ANO4: variants seen among roughly 807,000 people sequenced by gnomAD.
The protein encoded by ANO4 is anoctamin-4.
Under a neutral mutation model 141.9 loss-of-function variants are expected in ANO4, and 69 were observed. The observed-to-expected ratio is 0.49, with a 90% CI of 0.40 to 0.59. The LOEUF is 0.59. Among genes scored for constraint, ANO4 ranks in the 20% least tolerant of loss-of-function variants. The pLI, the probability that ANO4 is intolerant of heterozygous loss-of-function variation, is 0.00. For missense variants in ANO4, 894 were observed against 1,162.2 expected (o/e 0.77, Z 3.36); for synonymous variants, 350 against 394.3 (o/e 0.89, Z 1.33).
At chr12:100,972,796 A>C (rs73148827) in intron 6 of ANO4, among the ~76,000 whole-genome samples, 177 of 152,354 alleles carry the variant, frequency 1.2e-3, no homozygotes, top group Non-Finnish European at 2.1e-3. Context: ...CTCCAGTATA[A>C]ATAAATCTCA....
chr12:100,742,233 T>C (rs1185624037), intron 3 of ANO4, among the ~76,000 whole-genome samples: 1 of 152,182 alleles, frequency 6.6e-6, no homozygotes, highest in Non-Finnish European at 1.5e-5. Context: ...GGTATAGTTT[T>C]TGTAAGTCTC....
At chr12:100,970,928 A>G (rs1165645875) in intron 5 of ANO4, among the ~76,000 whole-genome samples, 4 of 152,136 alleles carry the variant, frequency 2.6e-5, no homozygotes, top group Non-Finnish European at 4.4e-5. Context: ...CATGTTGTCC[A>G]GTCTGGTCTC....
intron 8 of ANO4, among the ~76,000 whole-genome samples, chr12:101,010,338 T>A (rs1357478633): frequency 2.0e-5 from 3 of 152,264 alleles, no homozygotes; most frequent in African/African-American, 7.2e-5. Context: ...GAAGATGATA[T>A]CATGAAGTAC....
upstream of ANO4, among the ~76,000 whole-genome samples, chr12:100,789,821 T>C (rs2033984922): frequency 6.6e-6 from 1 of 152,216 alleles, no homozygotes; most frequent in Non-Finnish European, 1.5e-5. Context: ...ATTCATTCTT[T>C]GTGTACTTAT....
chr12:100,865,692 A>G (rs549901835), intron 1 of ANO4, among the ~76,000 whole-genome samples: 1 of 152,302 alleles, frequency 6.6e-6, no homozygotes, highest in East Asian at 1.9e-4. Context: ...GATGCTGTAT[A>G]AATCCAGGTC....
intron 1 of ANO4, among the ~76,000 whole-genome samples, chr12:100,797,395 A>G (rs149726927): frequency 6.6e-6 from 1 of 151,650 alleles, no homozygotes; most frequent in East Asian, 1.9e-4. Flanking sequence ...GTCTCACAGC[A>G]TGGTGTCATG....
At position 101,116,808 on chromosome 12, in the gene ANO4, G is replaced by A; in HGVS notation, c.2570+10G>A. The A allele has an allele frequency of 6.2e-7, 1 of 1,613,996 alleles. No individual in the cohort carries two copies. Among genetic ancestry groups the A allele is most frequent in the South Asian group, 1.1e-5 (1 of 91,068 alleles). The stretch of plus-strand genomic sequence containing the variant: ...CTCTTAAGTACTGCAGGTGAGTGTG[G>A]CACCCAGCGTGGCTCTGCCTGAGCT... On this transcript the variant is annotated intron_variant, in intron 25 of 27. Transcript: ENST00000392977.
chr12:101,072,552 A>G (rs674162), intron 14 of ANO4, among the ~76,000 whole-genome samples: 38,813 of 152,136 alleles, frequency 0.26, 5,270 homozygotes, highest in East Asian at 0.56. Context: ...TGACTAAAAC[A>G]CCAAAAGCAA....
chr12:101,086,688 G>A lies in ANO4; in HGVS notation c.1565G>A (p.Gly522Glu). 2 of 1,613,712 alleles carry A rather than the reference G, an allele frequency of 1.2e-6. No homozygotes were observed. The highest frequency in any genetic ancestry group is 1.7e-6 in the Non-Finnish European group (2 of 1,179,768). The change falls in exon 17 of 28, where the codon GGG (glycine) becomes GAG (glutamate). Residue 522 changes from glycine to glutamate, a missense_variant. Around this residue, in one of 2 missense-constraint regions of ANO4, gnomAD observed 637 missense variants for 909.2 expected, o/e 0.70. Coordinates refer to ENST00000392977, the MANE Select transcript of ANO4 (RefSeq NM_001286615.2). ...MICVVIAAVFGIVIYRVVTVS... is the reference protein window; with the variant it reads ...MICVVIAAVFEIVIYRVVTVS... The stretch of plus-strand genomic sequence containing the variant: ...TGCGTGGTGATTGCTGCCGTGTTCG[G>A]GATCGTCATTTACCGGGTGGTGACT...
chr12:100,837,406 C>T (rs577915093), intron 1 of ANO4, among the ~76,000 whole-genome samples: 1 of 152,276 alleles, frequency 6.6e-6, no homozygotes, highest in African/African-American at 2.4e-5. Context: ...AACAGTCTTG[C>T]TTCAGAGTTT....
chr12:101,083,238 T>C (rs898221912), intron 15 of ANO4, among the ~76,000 whole-genome samples: 2 of 152,214 alleles, frequency 1.3e-5, no homozygotes, highest in African/African-American at 4.8e-5. Flanking sequence ...ATTGTCATTA[T>C]AACTTACAAA....
chr12:100,806,483 G>A (rs780695029), intron 1 of ANO4, among the ~76,000 whole-genome samples: 3 of 131,676 alleles, frequency 2.3e-5, no homozygotes, highest in African/African-American at 5.5e-5. Context: ...TTCAACTATT[G>A]AGTTTTGATT....
chr12:100,865,707 C>A (rs1387854338), intron 1 of ANO4, among the ~76,000 whole-genome samples: 1 of 152,116 alleles, frequency 6.6e-6, no homozygotes, highest in Non-Finnish European at 1.5e-5. Flanking sequence ...CAGGTCTCAG[C>A]AGGAAACAGA....
At chr12:100,806,971 T>A (rs2035096348) in intron 1 of ANO4, among the ~76,000 whole-genome samples, 1 of 152,186 alleles carries the variant, frequency 6.6e-6, no homozygotes, top group Admixed American at 6.6e-5. Flanking sequence ...TTATATAAAG[T>A]TGTCACATGT....
At chr12:100,973,170 C>T (rs963028704) in intron 6 of ANO4, among the ~76,000 whole-genome samples, 1 of 152,140 alleles carries the variant, frequency 6.6e-6, no homozygotes, top group Non-Finnish European at 1.5e-5. Context: ...GTAGGTTTAC[C>T]TACTAAACAT....
intron 9 of ANO4, among the ~76,000 whole-genome samples, chr12:101,029,586 A>G (rs1312638851): frequency 6.6e-6 from 1 of 152,158 alleles, no homozygotes; most frequent in Admixed American, 6.5e-5. Flanking sequence ...CAAGGTCATT[A>G]AATAATGATA....
intron 1 of ANO4, among the ~76,000 whole-genome samples, chr12:100,846,396 T>C (rs1176909315): frequency 6.6e-6 from 1 of 152,194 alleles, no homozygotes; most frequent in Non-Finnish European, 1.5e-5. Flanking sequence ...AATGGTAACA[T>C]TTTGAAAAAC....
rs1566196498 is a variant in ANO4 at position 101,064,663 on chromosome 12, T to TAATAATA, written c.1313-14529_1313-14528insATAATAA. On this transcript the variant is annotated intron_variant, in intron 14 of 27. Coordinates refer to ENST00000392977, the MANE Select transcript of ANO4 (RefSeq NM_001286615.2). Reference sequence around the variant, plus strand: ...ACATGTATCCCAGAACTTAAAGTATTATAATAATAATAATAATAATAATAA... The same window carrying TAATAATA: ...ACATGTATCCCAGAACTTAAAGTATTAATAATAATAATAATAATAATAATAATAATAA... Among the ~76,000 whole-genome samples the TAATAATA allele has an allele frequency of 6.6e-3, 853 of 130,170 alleles. 6 individuals carry two copies. The highest frequency in any genetic ancestry group is 0.017 in the African/African-American group (625 of 36,740). The allele number at this position is 130,170 out of a possible 152,430, so 85.4% of individuals were successfully genotyped here.
At chr12:100,891,051 C>T (rs891795172) in intron 1 of ANO4, among the ~76,000 whole-genome samples, 1 of 152,094 alleles carries the variant, frequency 6.6e-6, no homozygotes, top group African/African-American at 2.4e-5. Context: ...AATATGTAGC[C>T]TTTTCAGACT....
Sources: gnomAD v4.1 joint callset for allele counts (sites outside exome capture counted in the v4.1 genomes callset) on GRCh38, gnomAD v4.1.1 for gene constraint, gnomAD v4.1.1 regional missense constraint, MANE v1.5 for transcripts, NCBI Gene and HGNC (gene_info 2026-07-23, HGNC 2026-07-21) for gene names.